SHISA9: variants seen among roughly 807,000 people sequenced by gnomAD.
The protein encoded by SHISA9 is shisa family member 9.
SHISA9 carries 13 observed loss-of-function variants against 38.0 expected under a neutral mutation model. That is an observed-to-expected ratio of 0.34 (90% confidence interval 0.22 to 0.54). The LOEUF (loss-of-function observed/expected upper bound fraction) is 0.54, where lower values mean the gene tolerates loss of function less well. Among genes scored for constraint, SHISA9 ranks in the 20% least tolerant of loss-of-function variants. The pLI, the probability that SHISA9 is intolerant of heterozygous loss-of-function variation, is 0.91. For synonymous variants in SHISA9, 275 were observed against 242.0 expected (o/e 1.14, Z -1.27); for missense variants, 538 against 575.8 (o/e 0.93, Z 0.67).
At chr16:13,085,856 A>C (rs1327308755) in intron 2 of SHISA9, among the ~76,000 whole-genome samples, 1 of 152,236 alleles carries the variant, frequency 6.6e-6, no homozygotes, top group Non-Finnish European at 1.5e-5. Flanking sequence ...CATGAAGGAA[A>C]GTTAGCACAC....
At chr16:13,295,027 TA>T in the SHISA9 span, among the ~76,000 whole-genome samples, 13 of 152,098 alleles carry the variant, frequency 8.5e-5, no homozygotes, top group African/African-American at 3.1e-4. Context: ...TTTTACAGAT[TA>T]AAAAAACTGG....
At chr16:13,118,562 A>G (rs990752258) in intron 2 of SHISA9, among the ~76,000 whole-genome samples, 16 of 152,256 alleles carry the variant, frequency 1.1e-4, no homozygotes, top group African/African-American at 7.2e-5. Flanking sequence ...TTGTGCTAAA[A>G]TGAAGAAAAA....
At chr16:13,021,102 A>T (rs2072847384) in intron 2 of SHISA9, among the ~76,000 whole-genome samples, 1 of 152,174 alleles carries the variant, frequency 6.6e-6, no homozygotes, top group South Asian at 2.1e-4. Flanking sequence ...GGCAATAGCT[A>T]TATGGTCCTG....
the SHISA9 span, among the ~76,000 whole-genome samples, chr16:13,311,601 A>G: frequency 5.9e-5 from 9 of 152,190 alleles, no homozygotes; most frequent in African/African-American, 1.4e-4. Flanking sequence ...TTTGTGGATT[A>G]AGGCAGCAAC....
At chr16:13,504,480 G>C in the SHISA9 span, among the ~76,000 whole-genome samples, 1 of 152,062 alleles carries the variant, frequency 6.6e-6, no homozygotes, top group Non-Finnish European at 1.5e-5. Flanking sequence ...AATCCCATTA[G>C]TCACATTCAA....
the SHISA9 span, among the ~76,000 whole-genome samples, chr16:13,550,033 A>AAT: frequency 5.9e-5 from 9 of 151,870 alleles, no homozygotes; most frequent in African/African-American, 2.2e-4. Flanking sequence ...AAAAAAAAAA[A>AAT]AAATAAAGTA....
At chr16:12,973,367 G>T (rs914843740) in intron 2 of SHISA9, among the ~76,000 whole-genome samples, 1 of 152,230 alleles carries the variant, frequency 6.6e-6, no homozygotes, top group African/African-American at 2.4e-5. Context: ...ACATGTGCCT[G>T]TTGTTTCGCT....
At chr16:13,339,989 A>G in the SHISA9 span, among the ~76,000 whole-genome samples, 2 of 152,186 alleles carry the variant, frequency 1.3e-5, no homozygotes, top group Admixed American at 6.5e-5. Context: ...GATAAAGGTA[A>G]TTACTCATTT....
At chr16:13,310,320 G>A in the SHISA9 span, among the ~76,000 whole-genome samples, 1 of 151,794 alleles carries the variant, frequency 6.6e-6, no homozygotes. Context: ...TTTCTACTAT[G>A]AAACATTTAG....
At chr16:13,322,251 A>G in the SHISA9 span, among the ~76,000 whole-genome samples, 1 of 152,230 alleles carries the variant, frequency 6.6e-6, no homozygotes, top group Non-Finnish European at 1.5e-5. Context: ...AGAGTGATCT[A>G]ATAGGAAAAA....
chr16:13,482,962 G>A, the SHISA9 span, among the ~76,000 whole-genome samples: 1 of 152,078 alleles, frequency 6.6e-6, no homozygotes, highest in Non-Finnish European at 1.5e-5. Flanking sequence ...GATGTAACTC[G>A]GAGAAAAACT....
At chr16:13,159,848 A>G (rs1036849186) in intron 2 of SHISA9, among the ~76,000 whole-genome samples, 1 of 152,188 alleles carries the variant, frequency 6.6e-6, no homozygotes, top group Non-Finnish European at 1.5e-5. Context: ...GCTGAAGCTC[A>G]TATTGCTGCC....
the SHISA9 span, among the ~76,000 whole-genome samples, chr16:13,519,270 A>G: frequency 6.6e-6 from 1 of 152,236 alleles, no homozygotes; most frequent in Non-Finnish European, 1.5e-5. Flanking sequence ...TATTGAAGGC[A>G]TAGTAAGCCT....
chr16:13,054,102 A>G (rs1026518651), intron 2 of SHISA9, among the ~76,000 whole-genome samples: 1 of 152,134 alleles, frequency 6.6e-6, no homozygotes, highest in Non-Finnish European at 1.5e-5. Context: ...CTTTTTTGGT[A>G]TGTCTTCCCT....
chr16:13,014,938 C>T (rs1596585339), intron 2 of SHISA9, among the ~76,000 whole-genome samples: 1 of 152,232 alleles, frequency 6.6e-6, no homozygotes, highest in African/African-American at 2.4e-5. Flanking sequence ...AGGGATCTCA[C>T]CTATATGCCT....
the SHISA9 span, among the ~76,000 whole-genome samples, chr16:13,403,878 C>T: frequency 1.3e-5 from 2 of 152,138 alleles, no homozygotes; most frequent in Admixed American, 6.5e-5. Flanking sequence ...TCAGTTTCCT[C>T]CCCTGGAAAG....
At chr16:13,188,468 A>G (rs1448150633) in intron 2 of SHISA9, among the ~76,000 whole-genome samples, 1 of 152,190 alleles carries the variant, frequency 6.6e-6, no homozygotes, top group Non-Finnish European at 1.5e-5. Flanking sequence ...CTGTAATCCC[A>G]GCACTTTCAG....
At chr16:13,278,462 T>C in the SHISA9 span, among the ~76,000 whole-genome samples, 1 of 152,040 alleles carries the variant, frequency 6.6e-6, no homozygotes, top group Admixed American at 6.6e-5. Context: ...CTTCTTTCTC[T>C]GTCTTGTGGA....
At chr16:13,159,058 C>CA (rs10711130) in intron 2 of SHISA9, among the ~76,000 whole-genome samples, 3,924 of 123,438 alleles carry the variant, frequency 0.032, 121 homozygotes, top group African/African-American at 0.091. Context: ...GACTCTGTCT[C>CA]AAAAAAAAAA....
Sources: allele counts gnomAD v4.1 joint callset (sites outside exome capture counted in the v4.1 genomes callset), GRCh38; gene constraint gnomAD v4.1.1; transcripts MANE v1.5; gene names NCBI Gene and HGNC (gene_info 2026-07-23, HGNC 2026-07-21).